The following TGFA variants were observed in gnomAD, a reference collection of about 807,000 sequenced individuals.
The protein encoded by TGFA is protransforming growth factor alpha.
A neutral mutation model predicts 21.7 loss-of-function variants in TGFA; 12 were observed. The observed-to-expected ratio is 0.55, with a 90% CI of 0.35 to 0.90. The LOEUF (loss-of-function observed/expected upper bound fraction) is 0.90. TGFA is among the 40% of genes least tolerant of loss of function. TGFA has a pLI of 0.01. For missense variants in TGFA, 178 were observed against 210.8 expected, an observed-to-expected ratio of 0.84 and a Z score of 0.96; for synonymous variants, 79 against 88.1, an observed-to-expected ratio of 0.90 and a Z score of 0.58.
chr2:70,509,592 C>T (rs1672030674), intron 2 of TGFA, among the ~76,000 whole-genome samples: 3 of 152,194 alleles, frequency 2.0e-5, no homozygotes, highest in Admixed American at 2.0e-4. Context: ...AGCCTTCAAA[C>T]ATGCCTTGAT....
At chr2:70,510,642 C>T (rs1158227031) in intron 2 of TGFA, among the ~76,000 whole-genome samples, 1 of 152,182 alleles carries the variant, frequency 6.6e-6, no homozygotes, top group Non-Finnish European at 1.5e-5. Context: ...GCCTCAGTCA[C>T]CACATCCCTC....
chr2:70,486,805 C>T (rs945082323), intron 2 of TGFA, among the ~76,000 whole-genome samples: 1 of 152,092 alleles, frequency 6.6e-6, no homozygotes, highest in Non-Finnish European at 1.5e-5. Flanking sequence ...CTCTGTTGCC[C>T]AGGCTGGAGT....
At chr2:70,511,890 TACACACACACACACACACACACACAC>T (rs36084203) in intron 2 of TGFA, among the ~76,000 whole-genome samples, 1 of 142,948 alleles carries the variant, frequency 7.0e-6, no homozygotes, top group Non-Finnish European at 1.5e-5. Context: ...TAGTCATGAA[TACACACACACACACACACACACACAC>T]ACACACACAC....
chr2:70,463,229 G>T (rs1408531786), intron 3 of TGFA, among the ~76,000 whole-genome samples: 1 of 152,162 alleles, frequency 6.6e-6, no homozygotes, highest in Non-Finnish European at 1.5e-5. Flanking sequence ...GGGATCCATG[G>T]TTGCGGTATG....
At chr2:70,459,078 C>T (rs572492061) in intron 3 of TGFA, among the ~76,000 whole-genome samples, 8 of 152,320 alleles carry the variant, frequency 5.3e-5, no homozygotes, top group African/African-American at 1.9e-4. Context: ...GTGAAAGTCT[C>T]AGCGTATAGG....
chr2:70,518,581 G>A lies in TGFA; in HGVS notation c.41-3669C>T, dbSNP rs536645058. Among the ~76,000 whole-genome samples the A allele has an allele frequency of 7.2e-4, 110 of 152,330 alleles. 2 individuals carry two copies. The South Asian group carries it at 0.012, about 17-fold the overall frequency. ...GTCAATGGGAAATGCTCTTAAGAGA[G>A]GCTGGACACCCCTCTCCCCTGGGCC... is the stretch of plus-strand genomic sequence containing the variant. On this transcript the variant is annotated intron_variant, in intron 1 of 5. Transcript: ENST00000295400.
At chr2:70,514,185 G>C (rs1574121072) in intron 2 of TGFA, among the ~76,000 whole-genome samples, 2 of 152,236 alleles carry the variant, frequency 1.3e-5, no homozygotes, top group East Asian at 3.9e-4. Context: ...CAGCAACATG[G>C]AACAATGCAC....
chr2:70,536,834 T>C (rs564947336), intron 1 of TGFA, among the ~76,000 whole-genome samples: 36 of 152,320 alleles, frequency 2.4e-4, no homozygotes, highest in Non-Finnish European at 4.9e-4. Context: ...AGAAGAAAGA[T>C]GAAGTGATTC....
chr2:70,459,420 T>G (rs1182235259), intron 3 of TGFA, among the ~76,000 whole-genome samples: 1 of 152,164 alleles, frequency 6.6e-6, no homozygotes, highest in Non-Finnish European at 1.5e-5. Context: ...CTTCTAGAGG[T>G]TTGGGAACTA....
At chr2:70,512,043 G>T (rs1553501011) in intron 2 of TGFA, among the ~76,000 whole-genome samples, 1 of 151,764 alleles carries the variant, frequency 6.6e-6, no homozygotes, top group Non-Finnish European at 1.5e-5. Context: ...GTGGGATGGG[G>T]TGGGAAGGCC....
intron 4 of TGFA, among the ~76,000 whole-genome samples, chr2:70,455,688 G>T (rs909776646): frequency 4.6e-5 from 7 of 152,182 alleles, no homozygotes; most frequent in Non-Finnish European, 8.8e-5. Context: ...CAAATGCTAG[G>T]AATATTGCAC....
At chr2:70,525,356 T>A (rs1672601708) in intron 1 of TGFA, among the ~76,000 whole-genome samples, 1 of 152,226 alleles carries the variant, frequency 6.6e-6, no homozygotes, top group Middle Eastern at 3.4e-3. Context: ...AAGGGGACAA[T>A]GCTGCCCCAT....
In TGFA at chr2:70,448,700, C is replaced by G. The variant is rs1017900493; in HGVS notation, c.*2159G>C. On this transcript the variant is annotated 3_prime_UTR_variant, in exon 6 of 6. Transcript: ENST00000295400. ...TGATGCAGCCTCTTTTTCAGACCTG[C>G]TGGTTTCCAAAGGACTGACTTGGAA... 6.6e-6 allele frequency: 1 copy of G among 152,320 alleles called. No homozygotes were observed. Among genetic ancestry groups the G allele is most frequent in the East Asian group, 1.9e-4 (1 of 5,182 alleles). 9.4% of individuals were successfully genotyped at this position (152,320 alleles called of 1,614,324 possible).
Position 70,534,472 on chromosome 2 carries a change from G to A in TGFA, c.40+19256C>T, listed in dbSNP as rs658914. The stretch of plus-strand genomic sequence containing the variant: ...TCAATGTGCCCCATGACTTCCAGGC[G>A]TGTCACTCACTGGGGGACAGACTGC... On this transcript the variant is annotated intron_variant, in intron 1 of 5. Transcript: ENST00000295400. Among the ~76,000 whole-genome samples the A allele has an allele frequency of 1.2e-3, 184 of 152,168 alleles. 6 individuals are homozygous for A. The East Asian group carries it at 0.022, about 18-fold the overall frequency.
At chr2:70,550,097 G>A (rs1553506563) in intron 1 of TGFA, among the ~76,000 whole-genome samples, 1 of 152,200 alleles carries the variant, frequency 6.6e-6, no homozygotes, top group East Asian at 1.9e-4. Context: ...CTTAAACAGG[G>A]AAGGTGATCT....
rs1474788288 is a variant in TGFA, at chr2:70,449,909, A to ACTC, written c.*947_*949dup. The ACTC allele has an allele frequency of 2.6e-5, 4 of 152,236 alleles. No homozygotes were observed. The East Asian group carries it at 7.7e-4, about 29-fold the overall frequency. The allele number at this position is 152,236 out of a possible 1,614,324, so 9.4% of individuals were successfully genotyped here. A position where few individuals can be genotyped will look rare whatever the true frequency, so the allele number is the denominator to read the frequency against. On this transcript the variant is annotated 3_prime_UTR_variant, in exon 6 of 6. Transcript: ENST00000295400. The stretch of plus-strand genomic sequence containing the variant: ...GGGTTTATCCTGTGTAGACACACAC[A>ACTC]CTCTTCCTCTCTCCCCAACAGAGGG...
intron 2 of TGFA, among the ~76,000 whole-genome samples, chr2:70,506,375 T>A (rs1671926728): frequency 6.6e-6 from 1 of 152,210 alleles, no homozygotes; most frequent in Admixed American, 6.5e-5. Flanking sequence ...TTCAGCCTCA[T>A]CTTCCCATCC....
chr2:70,470,046 CGAG>C (rs1297173454), intron 2 of TGFA, among the ~76,000 whole-genome samples: 3 of 150,148 alleles, frequency 2.0e-5, no homozygotes, highest in African/African-American at 7.4e-5. Context: ...GGAGAAACAG[CGAG>C]AAGGAGAGAG....
At chr2:70,469,795 TG>T (rs1207936401) in intron 2 of TGFA, among the ~76,000 whole-genome samples, 2 of 152,244 alleles carry the variant, frequency 1.3e-5, no homozygotes, top group Non-Finnish European at 2.9e-5. Flanking sequence ...CTCTAAAGCC[TG>T]AAATCTGCTG....
Sources: allele counts gnomAD v4.1 joint callset (sites outside exome capture counted in the v4.1 genomes callset), GRCh38; gene constraint gnomAD v4.1.1; transcripts MANE v1.5; gene names NCBI Gene and HGNC (gene_info 2026-07-23, HGNC 2026-07-21).